CCBE1: variants seen among roughly 807,000 people sequenced by gnomAD.
CCBE1 encodes the protein collagen and calcium binding EGF domains 1.
CCBE1 carries 37 observed loss-of-function variants against 50.0 expected under a neutral mutation model. The observed-to-expected ratio is 0.74, with a 90% confidence interval of 0.57 to 0.97. The LOEUF is 0.97. Among genes scored for constraint, CCBE1 ranks in the 50% least tolerant of loss-of-function variants. The pLI is 0.00. For missense variants in CCBE1, 538 were observed against 523.8 expected (o/e 1.03, Z -0.26); for synonymous variants, 234 against 203.7 (o/e 1.15, Z -1.27).
intron 1 of CCBE1, 95 bp from the exon 2 acceptor site, chr18:59,696,804 G>T: frequency 7.4e-7 from 1 of 1,350,406 alleles, no homozygotes. Context: ...GGGATCGCCA[G>T]GCTCCCCGTC....
At chr18:59,553,789 C>T (rs1916013698) in intron 2 of CCBE1, among the ~76,000 whole-genome samples, 1 of 152,238 alleles carries the variant, frequency 6.6e-6, no homozygotes, top group Non-Finnish European at 1.5e-5. Flanking sequence ...TCCTCCAACA[C>T]TGCAGCCTCT....
intron 3 of CCBE1, among the ~76,000 whole-genome samples, chr18:59,474,034 C>T (rs1409032476): frequency 6.6e-6 from 1 of 152,220 alleles, no homozygotes; most frequent in East Asian, 1.9e-4. Context: ...TTATAGCCTC[C>T]AGCTCCATCC....
At chr18:59,616,831 C>T (rs890029212) in intron 2 of CCBE1, among the ~76,000 whole-genome samples, 16 of 152,162 alleles carry the variant, frequency 1.1e-4, no homozygotes, top group African/African-American at 2.7e-4. Context: ...CCTGTTCGGA[C>T]GGAAGCCTTT....
At chr18:59,527,240 C>T (rs1367849263) in intron 2 of CCBE1, among the ~76,000 whole-genome samples, 1 of 152,196 alleles carries the variant, frequency 6.6e-6, no homozygotes, top group Non-Finnish European at 1.5e-5. Context: ...GAACCCTTTA[C>T]CATTATGTAA....
chr18:59,534,303 G>T (rs963527957), intron 2 of CCBE1, among the ~76,000 whole-genome samples: 1 of 152,154 alleles, frequency 6.6e-6, no homozygotes, highest in Non-Finnish European at 1.5e-5. Flanking sequence ...AAGTAAAAAT[G>T]TATTGAATCC....
At chr18:59,490,387 C>CT (rs11379621) in intron 2 of CCBE1, among the ~76,000 whole-genome samples, 16,681 of 141,694 alleles carry the variant, frequency 0.12, 1,726 homozygotes, top group East Asian at 0.52. Context: ...GATATTCCCC[C>CT]TTTTTTTTTT....
intron 3 of CCBE1, among the ~76,000 whole-genome samples, chr18:59,477,942 CATT>C (rs1338432214): frequency 3.3e-5 from 5 of 152,210 alleles, no homozygotes; most frequent in Non-Finnish European, 7.3e-5. Context: ...TTAGGTCAAA[CATT>C]ATTCTACGTG....
intron 7 of CCBE1, among the ~76,000 whole-genome samples, chr18:59,442,600 C>T (rs1202645214): frequency 4.6e-5 from 7 of 151,966 alleles, no homozygotes; most frequent in Non-Finnish European, 2.9e-5. Flanking sequence ...TGATGGCAAG[C>T]GCCTATAATC....
intron 2 of CCBE1, among the ~76,000 whole-genome samples, chr18:59,554,251 T>C (rs1002244340): frequency 1.3e-5 from 2 of 152,186 alleles, no homozygotes; most frequent in South Asian, 4.1e-4. Context: ...AGTGCTGAGA[T>C]TACAGACATG....
chr18:59,594,074 C>A (rs547389105), intron 2 of CCBE1, among the ~76,000 whole-genome samples: 1 of 152,182 alleles, frequency 6.6e-6, no homozygotes, highest in East Asian at 1.9e-4. Context: ...ACCAGCAAGC[C>A]AAGGCAGCTT....
At chr18:59,557,379 CCTAA>C (rs957613683) in intron 2 of CCBE1, among the ~76,000 whole-genome samples, 3 of 152,064 alleles carry the variant, frequency 2.0e-5, no homozygotes, top group African/African-American at 7.2e-5. Flanking sequence ...TGTCTGATTC[CCTAA>C]CTGATACACA....
At position 59,597,128 on chromosome 18, in the gene CCBE1, G is replaced by A. The variant is rs180712604; in HGVS notation, c.212+99501C>T. On this transcript the variant is annotated intron_variant, in intron 2 of 10. Transcript: ENST00000439986. ...GGTTATGAGCCTGGCTCTGTGATCA[G>A]GCTAGGGGCTTAAATCTCAGCTCTG... Among the ~76,000 whole-genome samples the A allele has an allele frequency of 8.5e-5, 13 of 152,360 alleles. No homozygotes were observed. In the East Asian group the frequency reaches 1.5e-3, roughly 18 times the overall value.
At chr18:59,656,585 T>C (rs2054192955) in intron 2 of CCBE1, among the ~76,000 whole-genome samples, 1 of 152,342 alleles carries the variant, frequency 6.6e-6, no homozygotes, top group South Asian at 2.1e-4. Flanking sequence ...TCCAGGTCAT[T>C]AGTTTCAGTT....
At chr18:59,441,855 A>G (rs988693342) in intron 7 of CCBE1, among the ~76,000 whole-genome samples, 16 of 152,228 alleles carry the variant, frequency 1.1e-4, no homozygotes, top group African/African-American at 3.9e-4. Context: ...AAGAGGTGAG[A>G]TAATATCGAA....
At chr18:59,623,830 G>A (rs1352514090) in intron 2 of CCBE1, among the ~76,000 whole-genome samples, 1 of 152,154 alleles carries the variant, frequency 6.6e-6, no homozygotes, top group Middle Eastern at 3.2e-3. Context: ...TCAAAGGAAT[G>A]CCTGGTTTTG....
In CCBE1 at chr18:59,475,445, C is replaced by A. The variant is rs117710358; in HGVS notation, c.265+4741G>T. Among the ~76,000 whole-genome samples, 4 of 152,308 alleles carry A rather than the reference C, an allele frequency of 2.6e-5. No individual in the cohort carries two copies. In the East Asian group the frequency reaches 7.7e-4, roughly 29 times the overall value. On this transcript the variant is annotated intron_variant, in intron 3 of 10. Transcript: ENST00000439986. ...AACCTTGAGACTTATCTGTAAGTTC[C>A]TTATACTGCAGCAAAACTAACTTCT... is the stretch of plus-strand genomic sequence containing the variant.
intron 5 of CCBE1, among the ~76,000 whole-genome samples, chr18:59,456,389 A>G (rs982637461): frequency 5.3e-5 from 8 of 152,226 alleles, no homozygotes; most frequent in Middle Eastern, 3.2e-3. Context: ...CTGGAGTAAG[A>G]TGGGATCCTA....
At chr18:59,502,681 T>TCC (rs1568174508) in intron 2 of CCBE1, among the ~76,000 whole-genome samples, 2 of 151,070 alleles carry the variant, frequency 1.3e-5, no homozygotes, top group African/African-American at 4.9e-5. Context: ...TCTAATTTCC[T>TCC]CCCCCTCCCC....
chr18:59,650,043 G>C (rs1029376286), intron 2 of CCBE1, among the ~76,000 whole-genome samples: 1 of 152,014 alleles, frequency 6.6e-6, no homozygotes, highest in Non-Finnish European at 1.5e-5. Context: ...ACCCAGCTGG[G>C]AGCCACCCTC....
Sources: allele counts gnomAD v4.1 joint callset (sites outside exome capture counted in the v4.1 genomes callset), GRCh38; gene constraint gnomAD v4.1.1; transcripts MANE v1.5; gene names NCBI Gene and HGNC (gene_info 2026-07-23, HGNC 2026-07-21).